The following EPHB1 variants were observed in gnomAD, a reference collection of about 807,000 sequenced individuals.
EPHB1 encodes EPH receptor B1.
A neutral mutation model predicts 94.4 loss-of-function variants in EPHB1; 30 were observed. The observed-to-expected ratio is 0.32, with a 90% CI of 0.24 to 0.43. EPHB1 has a LOEUF of 0.43. Ranked by LOEUF, EPHB1 falls within the 20% of genes least tolerant of loss-of-function variation. The pLI, the probability that EPHB1 is intolerant of heterozygous loss-of-function variation, is 1.00. For missense variants in EPHB1, 1,055 were observed against 1,308.3 expected, an observed-to-expected ratio of 0.81 and a Z score of 2.99; for synonymous variants, 522 against 489.1, an observed-to-expected ratio of 1.07 and a Z score of -0.89.
intron 11 of EPHB1, 22 bp downstream of exon 11, chr3:135,192,845 G>A (rs770429725): frequency 1.9e-6 from 3 of 1,607,480 alleles, no homozygotes; most frequent in Non-Finnish European, 2.6e-6. Flanking sequence ...TCAGGGGTTT[G>A]ATGATGCACT....
At chr3:134,884,232 A>G (rs903597341) in intron 1 of EPHB1, among the ~76,000 whole-genome samples, 1 of 152,220 alleles carries the variant, frequency 6.6e-6, no homozygotes, top group Non-Finnish European at 1.5e-5. Context: ...AAGCTGAGGT[A>G]CCACCTTGGA....
At chr3:134,871,107 G>A (rs187738737) in intron 1 of EPHB1, among the ~76,000 whole-genome samples, 53 of 152,276 alleles carry the variant, frequency 3.5e-4, no homozygotes, top group African/African-American at 1.2e-3. Flanking sequence ...GAAAAGCATA[G>A]GCTAGAGGGA....
intron 12 of EPHB1, among the ~76,000 whole-genome samples, chr3:135,205,210 T>C (rs968056337): frequency 1.3e-5 from 2 of 152,336 alleles, no homozygotes; most frequent in Middle Eastern, 3.4e-3. Flanking sequence ...TGACTGCTAG[T>C]GACATTGATA....
chr3:134,877,748 G>A (rs1393645159), intron 1 of EPHB1, among the ~76,000 whole-genome samples: 1 of 152,142 alleles, frequency 6.6e-6, no homozygotes, highest in Non-Finnish European at 1.5e-5. Flanking sequence ...TAGAAAGCTG[G>A]GGGCTGTGTG....
At chr3:135,051,027 G>T (rs1339658388) in intron 3 of EPHB1, among the ~76,000 whole-genome samples, 1 of 152,284 alleles carries the variant, frequency 6.6e-6, no homozygotes, top group South Asian at 2.1e-4. Flanking sequence ...GGGCACCCAA[G>T]TGGGTCTTCC....
intron 10 of EPHB1, among the ~76,000 whole-genome samples, chr3:135,186,432 A>G (rs567841238): frequency 6.6e-6 from 1 of 152,318 alleles, no homozygotes; most frequent in South Asian, 2.1e-4. Flanking sequence ...TATCTTGCAC[A>G]AGCTAGTGTG....
At chr3:135,153,374 T>C (rs1198477580) in intron 5 of EPHB1, among the ~76,000 whole-genome samples, 1 of 152,254 alleles carries the variant, frequency 6.6e-6, no homozygotes, top group Non-Finnish European at 1.5e-5. Context: ...GTTTTCATTT[T>C]GCTTACACCA....
intron 3 of EPHB1, among the ~76,000 whole-genome samples, chr3:135,045,106 A>T (rs1343747647): frequency 6.6e-6 from 1 of 152,154 alleles, no homozygotes; most frequent in African/African-American, 2.4e-5. Flanking sequence ...TTTCACAATA[A>T]CACTTAGAGA....
chr3:135,193,619 G>C (rs1292360080), intron 11 of EPHB1, among the ~76,000 whole-genome samples: 1 of 152,164 alleles, frequency 6.6e-6, no homozygotes, highest in South Asian at 2.1e-4. Flanking sequence ...TCAAAGAATG[G>C]GCAGAGCCTT....
chr3:135,018,184 G>C (rs1448682414), intron 3 of EPHB1, among the ~76,000 whole-genome samples: 1 of 152,154 alleles, frequency 6.6e-6, no homozygotes, highest in African/African-American at 2.4e-5. Flanking sequence ...CTTCCAAGCA[G>C]GCCCCGTGAT....
At chr3:134,905,300 A>G (rs2038295449) in intron 1 of EPHB1, among the ~76,000 whole-genome samples, 1 of 151,954 alleles carries the variant, frequency 6.6e-6, no homozygotes. Context: ...AAGCCGACAT[A>G]TTTTCTCTGT....
chr3:134,954,797 T>C (rs556352890), intron 3 of EPHB1, among the ~76,000 whole-genome samples: 12 of 152,342 alleles, frequency 7.9e-5, no homozygotes, highest in African/African-American at 2.9e-4. Flanking sequence ...TGGCTTTCAC[T>C]TTGCTTCTGT....
At chr3:135,021,507 A>AC (rs1935987680) in intron 3 of EPHB1, among the ~76,000 whole-genome samples, 2 of 125,746 alleles carry the variant, frequency 1.6e-5, no homozygotes, top group African/African-American at 3.3e-5. Context: ...CTCTCCCCCC[A>AC]CCCCCCACCG....
chr3:134,946,206 CA>C (rs1458878321), intron 2 of EPHB1, among the ~76,000 whole-genome samples: 1 of 152,244 alleles, frequency 6.6e-6, no homozygotes, highest in Non-Finnish European at 1.5e-5. Context: ...AGGCTGCTCT[CA>C]AAACCTGTCT....
At chr3:134,969,574 C>T (rs1933892539) in intron 3 of EPHB1, among the ~76,000 whole-genome samples, 1 of 152,164 alleles carries the variant, frequency 6.6e-6, no homozygotes, top group African/African-American at 2.4e-5. Flanking sequence ...TCTCAGCCAG[C>T]TCTGCTTGGG....
At position 134,882,760 on chromosome 3, in the gene EPHB1, TC is replaced by T. The variant is rs2037766703; in HGVS notation, c.59-43054del. 7.5e-5 allele frequency among the ~76,000 whole-genome samples: 3 copies of T among 40,162 alleles called. 1 individual carries two copies. Among genetic ancestry groups the T allele is most frequent in the African/African-American group, 3.3e-4 (3 of 9,218 alleles). The allele number at this position is 40,162 out of a possible 152,430, so 26.3% of individuals were successfully genotyped here. A position where few individuals can be genotyped will look rare whatever the true frequency, so the allele number is the denominator to read the frequency against. ...TTTCCTTCTTTCTTCCTTTCTTCCT[TC>T]CTTCCTTTCTTTCTTTCTTTCTTTC... is the stretch of plus-strand genomic sequence containing the variant. On this transcript the variant is annotated intron_variant, in intron 1 of 15. Transcript: ENST00000398015.
Position 135,078,870 on chromosome 3 carries a change from C to A in EPHB1, c.806-27578C>A, listed in dbSNP as rs115124022. ...CTAGCTTCCTGGACAGAGAACTTTG[C>A]GTAGAACTTGGCAGGCTCATGCCCT... On this transcript the variant is annotated intron_variant, in intron 3 of 15. Coordinates refer to ENST00000398015, the MANE Select transcript of EPHB1 (RefSeq NM_004441.5). 3.7e-3 allele frequency among the ~76,000 whole-genome samples: 559 copies of A among 152,322 alleles called. 3 individuals are homozygous for A. Among genetic ancestry groups the A allele is most frequent in the African/African-American group, 0.013 (532 of 41,570 alleles).
chr3:135,173,829 A>G (rs1411881850), intron 9 of EPHB1, among the ~76,000 whole-genome samples: 1 of 152,216 alleles, frequency 6.6e-6, no homozygotes, highest in Admixed American at 6.5e-5. Context: ...GTCTAAAACC[A>G]CATGTGCCAG....
At chr3:135,175,692 G>C (rs1941960032) in intron 9 of EPHB1, among the ~76,000 whole-genome samples, 1 of 151,982 alleles carries the variant, frequency 6.6e-6, no homozygotes. Context: ...ATTTATATTA[G>C]GAATAATGAT....
Sources: allele counts gnomAD v4.1 joint callset (sites outside exome capture counted in the v4.1 genomes callset), GRCh38; gene constraint gnomAD v4.1.1; transcripts MANE v1.5; gene names NCBI Gene and HGNC (gene_info 2026-07-23, HGNC 2026-07-21).